The following HEATR5A variants were observed in gnomAD, a reference collection of about 807,000 sequenced individuals.
The protein encoded by HEATR5A is HEAT repeat-containing protein 5A.
Under a neutral mutation model 218.8 loss-of-function variants are expected in HEATR5A, and 178 were observed. That is an observed-to-expected ratio of 0.81 (90% CI 0.72 to 0.92). The LOEUF is 0.92. HEATR5A is among the 40% of genes least tolerant of loss of function. HEATR5A has a pLI of 0.00. For synonymous variants in HEATR5A, 864 were observed against 871.6 expected, an observed-to-expected ratio of 0.99 and a Z score of 0.15; for missense variants, 2,420 against 2,418.9, an observed-to-expected ratio of 1.00 and a Z score of -0.01.
chr14:31,295,557 C>CTTTT (rs766889885), intron 34 of HEATR5A: 59 of 108,506 alleles, frequency 5.4e-4, no homozygotes, highest in Non-Finnish European at 7.5e-4. Flanking sequence ...GCCTCCCTTT[C>CTTTT]TTTTTTTTTT....
At chr14:31,302,773 G>T in intron 32 of HEATR5A, 4 of 394,856 alleles carry the variant, frequency 1.0e-5, no homozygotes, top group East Asian at 4.8e-5. Flanking sequence ...TGCTGTTTTT[G>T]TTTTCTTTGG....
intron 25 of HEATR5A, chr14:31,320,268 GC>G: frequency 1.4e-6 from 1 of 708,018 alleles, no homozygotes. Context: ...AAACAGAAGA[GC>G]CCCATGGCCT....
At chr14:31,369,384 C>T (rs867116325) in intron 13 of HEATR5A, among the ~76,000 whole-genome samples, 30 of 151,048 alleles carry the variant, frequency 2.0e-4, no homozygotes, top group Admixed American at 1.7e-3. Flanking sequence ...AGGCTGAGGC[C>T]GGCAGATCAC....
intron 28 of HEATR5A, 46 bp downstream of exon 28, chr14:31,312,922 G>A: frequency 7.3e-7 from 1 of 1,376,982 alleles, no homozygotes; most frequent in Non-Finnish European, 1.0e-6. Context: ...AAAAGAAAAT[G>A]TGTTACTGTC....
intron 16 of HEATR5A, among the ~76,000 whole-genome samples, chr14:31,351,690 C>T (rs1282675209): frequency 6.6e-6 from 1 of 152,000 alleles, no homozygotes; most frequent in Non-Finnish European, 1.5e-5. Flanking sequence ...TAGCTCATTG[C>T]AGCCTCGACC....
chr14:31,363,942 C>A (rs1901714930), intron 14 of HEATR5A, among the ~76,000 whole-genome samples: 1 of 152,076 alleles, frequency 6.6e-6, no homozygotes, highest in South Asian at 2.1e-4. Context: ...ACACTGCATA[C>A]CAGCCTGGGT....
chr14:31,396,859 C>A (rs1451959047), intron 4 of HEATR5A, among the ~76,000 whole-genome samples: 1 of 152,122 alleles, frequency 6.6e-6, no homozygotes. Context: ...CAGTAACTTA[C>A]AACATTTTCA....
chr14:31,398,518 A>C (rs916499558), intron 4 of HEATR5A, among the ~76,000 whole-genome samples, 155 bp downstream of exon 4: 17 of 152,246 alleles, frequency 1.1e-4, no homozygotes, highest in African/African-American at 3.9e-4. Context: ...TACAGAGTAC[A>C]TACAGTGCAT....
In HEATR5A at chr14:31,302,359, G is replaced by A. The variant is rs757309678; in HGVS notation, c.5400C>T (p.Ser1800=). ...GGAGAAGGTCAGTCCAAGCAGTACG[G>A]CTCTTTTCTGCCCGGGCCATGGGAG... The part of the protein sequence containing the change: ...LSSPMARAEK[S]RTAWTDLLRS... The change falls in exon 33 of 36, where the codon AGC becomes AGT. Residue 1800 remains serine, a synonymous_variant. Transcript: ENST00000543095. 11 of 1,604,442 alleles carry A rather than the reference G, an allele frequency of 6.9e-6. No individual in the cohort carries two copies. Among genetic ancestry groups the A allele is most frequent in the Admixed American group, 3.4e-5 (2 of 58,500 alleles).
intron 10 of HEATR5A, among the ~76,000 whole-genome samples, chr14:31,382,002 A>G (rs973325830): frequency 3.9e-5 from 6 of 152,212 alleles, no homozygotes; most frequent in Admixed American, 1.3e-4. Context: ...CAACCAACTT[A>G]CTACTAATTT....
chr14:31,318,560 G>A lies in HEATR5A; in HGVS notation c.3970-268C>T, dbSNP rs767572599. ...GGCTGGAGTGCAGTGGCGCAATCTCGGCTCACTACAGCCTCCGCCTCCCAG... is the reference window on the plus strand; with the variant it reads ...GGCTGGAGTGCAGTGGCGCAATCTCAGCTCACTACAGCCTCCGCCTCCCAG... On this transcript the variant is annotated intron_variant, in intron 25 of 35. Transcript: ENST00000543095. Among the ~76,000 whole-genome samples, 12 of 152,148 alleles carry A rather than the reference G, an allele frequency of 7.9e-5. No individual in the cohort carries two copies. The East Asian group carries it at 1.2e-3, about 15-fold the overall frequency.
At chr14:31,386,231 C>T (rs1180352749) in intron 9 of HEATR5A, among the ~76,000 whole-genome samples, 189 bp downstream of exon 9, 2 of 152,100 alleles carry the variant, frequency 1.3e-5, no homozygotes, top group East Asian at 3.9e-4. Context: ...ACTTAGAGAA[C>T]AATCTTTAAT....
intron 28 of HEATR5A, among the ~76,000 whole-genome samples, chr14:31,310,589 G>A (rs1441931469): frequency 1.3e-5 from 2 of 152,024 alleles, no homozygotes; most frequent in South Asian, 2.1e-4. Flanking sequence ...GCAGTGAGCC[G>A]AGATCAAGCC....
At chr14:31,393,766 G>A (rs889222629) in intron 6 of HEATR5A, among the ~76,000 whole-genome samples, 1 of 151,726 alleles carries the variant, frequency 6.6e-6, no homozygotes, top group African/African-American at 2.4e-5. Context: ...AGTGATTCTT[G>A]TAATCCCAAG....
chr14:31,349,281 G>A (rs558222841), intron 18 of HEATR5A, among the ~76,000 whole-genome samples: 2 of 152,112 alleles, frequency 1.3e-5, no homozygotes, highest in Admixed American at 6.5e-5. Context: ...CCAGCTACTC[G>A]CGAGGCTGAG....
intron 9 of HEATR5A, 110 bp from the exon 10 acceptor site, chr14:31,383,881 A>C (rs1478316487): frequency 1.2e-6 from 1 of 818,162 alleles, no homozygotes; most frequent in African/African-American, 1.7e-5. Context: ...TTTTATCAAA[A>C]GCCACATTAT....
At chr14:31,310,677 AT>A (rs950057100) in intron 28 of HEATR5A, among the ~76,000 whole-genome samples, 9 of 151,476 alleles carry the variant, frequency 5.9e-5, no homozygotes, top group Non-Finnish European at 1.2e-4. Flanking sequence ...TAAATAAATA[AT>A]TTTTTTTCCA....
At position 31,393,367 on chromosome 14, in the gene HEATR5A, C is replaced by T. The variant is rs74932937; in HGVS notation, c.772+685G>A. ...TCCACAAAAAATATAAAAATTTAGC[C>T]GGGGATGGCAGTGAAAGCCTGTGGT... On this transcript the variant is annotated intron_variant, in intron 6 of 35. Transcript: ENST00000543095. Among the ~76,000 whole-genome samples, 285 of 152,076 alleles carry T rather than the reference C, an allele frequency of 1.9e-3. 2 individuals are homozygous for T. The highest frequency in any genetic ancestry group is 6.2e-3 in the African/African-American group (258 of 41,494).
At chr14:31,369,710 C>T (rs1207056272) in intron 13 of HEATR5A, among the ~76,000 whole-genome samples, 4 of 149,880 alleles carry the variant, frequency 2.7e-5, no homozygotes, top group Non-Finnish European at 4.4e-5. Flanking sequence ...GGTTTATCAC[C>T]TGAGGTCAGG....
Sources: allele counts gnomAD v4.1 joint callset (sites outside exome capture counted in the v4.1 genomes callset), GRCh38; gene constraint gnomAD v4.1.1; transcripts MANE v1.5; gene names NCBI Gene and HGNC (gene_info 2026-07-23, HGNC 2026-07-21).